KCTD16: variants seen among roughly 807,000 people sequenced by gnomAD.
KCTD16 encodes BTB/POZ domain-containing protein KCTD16.
In KCTD16, 13 loss-of-function variants were observed where a neutral mutation model predicts 33.2. The observed-to-expected ratio is 0.39, with a 90% CI of 0.25 to 0.62. KCTD16 has a LOEUF of 0.62. KCTD16 is among the 20% of genes least tolerant of loss of function. The pLI is 0.50. For synonymous variants in KCTD16, 197 were observed against 195.3 expected (o/e 1.01, Z -0.07); for missense variants, 441 against 525.1 (o/e 0.84, Z 1.57).
chr5:144,283,960 ATGGC>A (rs1755673686), intron 3 of KCTD16, among the ~76,000 whole-genome samples: 1 of 152,172 alleles, frequency 6.6e-6, no homozygotes, highest in South Asian at 2.1e-4. Flanking sequence ...GGCCTCAAAA[ATGGC>A]TGGATCCAAT....
intron 2 of KCTD16, among the ~76,000 whole-genome samples, chr5:144,202,167 G>C (rs568921562): frequency 6.6e-6 from 1 of 152,146 alleles, no homozygotes; most frequent in Admixed American, 6.5e-5. Flanking sequence ...ATCTGTTGCC[G>C]TATGCTGTTC....
Position 144,474,160 on chromosome 5 carries a change from T to A in KCTD16, c.*46T>A, listed in dbSNP as rs1265366695. ...AAGAAAAAAAAAAGTCATTTTGAAA[T>A]TAACCTCCTAAAAGGAATTCATATT... On this transcript the variant is annotated 3_prime_UTR_variant, in exon 4 of 4. Transcript: ENST00000512467. 10 of 1,417,610 alleles carry A rather than the reference T, an allele frequency of 7.1e-6. No individual in the cohort carries two copies. Among genetic ancestry groups the A allele is most frequent in the Non-Finnish European group, 8.7e-6 (9 of 1,038,742 alleles). 87.8% of individuals were successfully genotyped at this position (1,417,610 alleles called of 1,614,324 possible).
chr5:144,484,540 TTTAAAG>T lies in KCTD16; in HGVS notation c.*10433_*10438del, dbSNP rs1754764658. On this transcript the variant is annotated 3_prime_UTR_variant, in exon 4 of 4. Coordinates refer to ENST00000512467, the MANE Select transcript of KCTD16 (RefSeq NM_020768.4). ...TAACATCAGCACCACCCCTTACACTTTTAAAGTTAAAGACCCTGTTGATCAGGTTAC... is the reference window on the plus strand; with the variant it reads ...TAACATCAGCACCACCCCTTACACTTTTAAAGACCCTGTTGATCAGGTTAC... 1 of 151,906 alleles carries T rather than the reference TTTAAAG, an allele frequency of 6.6e-6. No homozygotes were observed. Among genetic ancestry groups the T allele is most frequent in the South Asian group, 2.1e-4 (1 of 4,830 alleles). 9.4% of individuals were successfully genotyped at this position (151,906 alleles called of 1,614,324 possible). A position where few individuals can be genotyped will look rare whatever the true frequency, so the allele number is the denominator to read the frequency against.
intron 3 of KCTD16, among the ~76,000 whole-genome samples, chr5:144,392,733 A>G (rs965908511): frequency 1.3e-5 from 2 of 152,192 alleles, no homozygotes; most frequent in African/African-American, 2.4e-5. Flanking sequence ...ACTGAGAGAA[A>G]TAACTTGTAT....
chr5:144,267,624 A>AG (rs1199625415), intron 3 of KCTD16, among the ~76,000 whole-genome samples: 1 of 152,110 alleles, frequency 6.6e-6, no homozygotes, highest in African/African-American at 2.4e-5. Flanking sequence ...GGTTGTATTT[A>AG]GGGGTCAACA....
At chr5:144,314,962 C>T (rs1296728726) in intron 3 of KCTD16, among the ~76,000 whole-genome samples, 1 of 152,124 alleles carries the variant, frequency 6.6e-6, no homozygotes, top group Middle Eastern at 3.2e-3. Context: ...TGATAAACTG[C>T]AGTAGTGTTT....
chr5:144,199,370 G>A (rs534588090), intron 2 of KCTD16, among the ~76,000 whole-genome samples: 4 of 152,176 alleles, frequency 2.6e-5, no homozygotes, highest in African/African-American at 7.2e-5. Flanking sequence ...ATACAATTTA[G>A]CTAACAAACA....
chr5:144,471,528 T>G (rs1754473522), intron 3 of KCTD16, among the ~76,000 whole-genome samples: 1 of 152,228 alleles, frequency 6.6e-6, no homozygotes, highest in Non-Finnish European at 1.5e-5. Flanking sequence ...ATTACTTTTC[T>G]TCAGCGCAAT....
intron 3 of KCTD16, among the ~76,000 whole-genome samples, chr5:144,219,475 A>C (rs563795268): frequency 6.8e-6 from 1 of 147,002 alleles, no homozygotes; most frequent in East Asian, 2.0e-4. Flanking sequence ...CAGCCTCCCA[A>C]AGTGCTAGGA....
chr5:144,358,077 C>A (rs1211858632), intron 3 of KCTD16, among the ~76,000 whole-genome samples: 1 of 150,900 alleles, frequency 6.6e-6, no homozygotes, highest in African/African-American at 2.4e-5. Context: ...GCATATGGCA[C>A]CACACCCGGC....
chr5:144,472,578 G>A (rs1446276996), intron 3 of KCTD16, among the ~76,000 whole-genome samples: 1 of 152,238 alleles, frequency 6.6e-6, no homozygotes, highest in Non-Finnish European at 1.5e-5. Context: ...AGCTTCAGGT[G>A]TGGCTAGATC....
intron 3 of KCTD16, among the ~76,000 whole-genome samples, chr5:144,315,004 T>C (rs534879523): frequency 1.6e-4 from 25 of 152,334 alleles, no homozygotes; most frequent in Middle Eastern, 6.8e-3. Flanking sequence ...CATGTTGGTC[T>C]TTGTGGCTAA....
intron 2 of KCTD16, among the ~76,000 whole-genome samples, chr5:144,180,900 A>G (rs1204712815): frequency 3.9e-5 from 6 of 152,142 alleles, no homozygotes; most frequent in Admixed American, 3.9e-4. Flanking sequence ...GTCCATATTC[A>G]AGGAAAAGAC....
chr5:144,187,814 A>G (rs1752759222), intron 2 of KCTD16, among the ~76,000 whole-genome samples: 1 of 152,230 alleles, frequency 6.6e-6, no homozygotes, highest in Non-Finnish European at 1.5e-5. Context: ...TGTTTGAGGA[A>G]AGAAGGCTAT....
chr5:144,435,417 T>C (rs1753553932), intron 3 of KCTD16, among the ~76,000 whole-genome samples: 1 of 152,238 alleles, frequency 6.6e-6, no homozygotes, highest in Non-Finnish European at 1.5e-5. Flanking sequence ...CACCAGTTTA[T>C]CATGAATATC....
At chr5:144,288,057 G>A (rs761430939) in intron 3 of KCTD16, among the ~76,000 whole-genome samples, 1 of 152,174 alleles carries the variant, frequency 6.6e-6, no homozygotes, top group Non-Finnish European at 1.5e-5. Flanking sequence ...TATTGAAGGT[G>A]CAGAATAGCC....
chr5:144,259,920 C>T (rs1426348427), intron 3 of KCTD16, among the ~76,000 whole-genome samples: 3 of 152,142 alleles, frequency 2.0e-5, no homozygotes, highest in African/African-American at 7.2e-5. Context: ...GGTTCAACCC[C>T]GTTCTGTCAT....
intron 3 of KCTD16, among the ~76,000 whole-genome samples, chr5:144,408,116 C>T (rs912484340): frequency 3.3e-5 from 5 of 152,156 alleles, no homozygotes; most frequent in African/African-American, 1.2e-4. Context: ...GAGTAATGGC[C>T]ACATTGTCTT....
At chr5:144,307,837 G>A (rs1201745145) in intron 3 of KCTD16, among the ~76,000 whole-genome samples, 1 of 152,212 alleles carries the variant, frequency 6.6e-6, no homozygotes, top group Non-Finnish European at 1.5e-5. Flanking sequence ...CAAGAAGATT[G>A]CCTAATAGAG....
Sources: allele counts gnomAD v4.1 joint callset (sites outside exome capture counted in the v4.1 genomes callset), GRCh38; gene constraint gnomAD v4.1.1; transcripts MANE v1.5; gene names NCBI Gene and HGNC (gene_info 2026-07-23, HGNC 2026-07-21).